Variants in HECW2 observed in about 807,000 individuals in gnomAD.
HECW2 encodes the protein HECT, C2 and WW domain containing E3 ubiquitin protein ligase 2.
HECW2 carries 61 observed loss-of-function variants against 175.2 expected under a neutral mutation model. That is an observed-to-expected ratio of 0.35 (90% CI 0.28 to 0.43). The LOEUF (loss-of-function observed/expected upper bound fraction) is 0.43, where lower values mean the gene tolerates loss of function less well. Among genes scored for constraint, HECW2 ranks in the 20% least tolerant of loss-of-function variants. The pLI, the probability that HECW2 is intolerant of heterozygous loss-of-function variation, is 1.00. For synonymous variants in HECW2, 671 were observed against 731.0 expected (o/e 0.92, Z 1.32); for missense variants, 1,524 against 2,000.5 (o/e 0.76, Z 4.54).
Position 196,240,460 on chromosome 2 carries a change from A to G in HECW2, c.3753T>C (p.Val1251=), listed in dbSNP as rs1388398158. The change falls in exon 21 of 29, where the codon GTT becomes GTC. Residue 1251 remains valine (V), a synonymous_variant. Coordinates refer to ENST00000644978, the MANE Select transcript of HECW2 (RefSeq NM_001348768.2). ...TCTGTTCTACTCACCCTTCCTCCCCAACGAAGGTGACATATAGCTTATTTC... is the reference window on the plus strand; with the variant it reads ...TCTGTTCTACTCACCCTTCCTCCCCGACGAAGGTGACATATAGCTTATTTC... ...LQRNKLYVTF[V]GEEGLDYSGP... is the part of the protein sequence containing the mutation. The G allele has an allele frequency of 6.2e-7, 1 of 1,608,274 alleles. No individual in the cohort carries two copies. Among genetic ancestry groups the G allele is most frequent in the African/African-American group, 1.3e-5 (1 of 74,644 alleles).
At chr2:196,512,856 A>AT (rs199588596) in intron 1 of HECW2, among the ~76,000 whole-genome samples, 5,602 of 151,676 alleles carry the variant, frequency 0.037, 350 homozygotes, top group African/African-American at 0.13. Flanking sequence ...TGCCTGGCTA[A>AT]TTTTTTTGTA....
At chr2:196,479,228 T>C (rs1211687457) in intron 1 of HECW2, among the ~76,000 whole-genome samples, 3 of 152,150 alleles carry the variant, frequency 2.0e-5, no homozygotes, top group Non-Finnish European at 4.4e-5. Context: ...CAAAAGGAAA[T>C]TTTTTATCTA....
In HECW2 at chr2:196,257,950, T is replaced by C. The variant is rs541011642; in HGVS notation, c.3336-44A>G. On this transcript the variant is annotated intron_variant, in intron 17 of 28. Coordinates refer to ENST00000644978, the MANE Select transcript of HECW2 (RefSeq NM_001348768.2). The stretch of plus-strand genomic sequence containing the variant: ...AGCACAAAATGTATATGGTAGACCT[T>C]TAGGCTATAACTCAGTAGTAAAGAG... The C allele has an allele frequency of 9.9e-6, 14 of 1,407,180 alleles. No homozygotes were observed. The South Asian group carries it at 1.5e-4, about 15-fold the overall frequency. 87.2% of individuals were successfully genotyped at this position (1,407,180 alleles called of 1,614,324 possible). A position where few individuals can be genotyped will look rare whatever the true frequency, so the allele number is the denominator to read the frequency against.
At chr2:196,280,719 T>G (rs1428816618) in intron 14 of HECW2, among the ~76,000 whole-genome samples, 1 of 152,212 alleles carries the variant, frequency 6.6e-6, no homozygotes, top group Non-Finnish European at 1.5e-5. Context: ...ATTGACAGGT[T>G]CTGACCCCAA....
At chr2:196,307,073 T>C in intron 12 of HECW2, 57 bp downstream of exon 12, 1 of 1,227,134 alleles carries the variant, frequency 8.1e-7, no homozygotes, top group Non-Finnish European at 1.2e-6. Flanking sequence ...TGGGAATCCT[T>C]ATTTGCTTCT....
chr2:196,322,057 G>C (rs1171474058), intron 7 of HECW2, among the ~76,000 whole-genome samples: 1 of 152,120 alleles, frequency 6.6e-6, no homozygotes, highest in Admixed American at 6.5e-5. Context: ...TCAAGTCTAG[G>C]TCTCGTTTTA....
At chr2:196,264,822 T>C (rs969316788) in intron 17 of HECW2, among the ~76,000 whole-genome samples, 2 of 152,196 alleles carry the variant, frequency 1.3e-5, no homozygotes, top group Non-Finnish European at 2.9e-5. Flanking sequence ...AAAACATGAC[T>C]AGCACTTATT....
intron 2 of HECW2, among the ~76,000 whole-genome samples, chr2:196,349,594 G>A (rs144428826): frequency 6.6e-6 from 1 of 152,042 alleles, no homozygotes; most frequent in Non-Finnish European, 1.5e-5. Context: ...ACAGATGTGA[G>A]CCACCATGCC....
rs529645466 is a variant in HECW2 at position 196,581,851 on chromosome 2, G to A, written c.-36+11657C>T. ...TGAGGACAAGGCAGGTGGATCACGA[G>A]GTCAGGAGATTGAGACCATCCTGGC... On this transcript the variant is annotated intron_variant, in intron 1 of 28. Transcript: ENST00000644978. 3.9e-5 allele frequency among the ~76,000 whole-genome samples: 6 copies of A among 152,168 alleles called. No individual in the cohort carries two copies. In the South Asian group the frequency reaches 1.2e-3, roughly 32 times the overall value.
chr2:196,385,300 G>A (rs932997697), intron 2 of HECW2, among the ~76,000 whole-genome samples: 3 of 151,958 alleles, frequency 2.0e-5, no homozygotes, highest in Non-Finnish European at 4.4e-5. Context: ...TACAAGCCCC[G>A]GCTCATTTAT....
chr2:196,587,506 G>A (rs1362768548), intron 1 of HECW2, among the ~76,000 whole-genome samples: 9 of 152,040 alleles, frequency 5.9e-5, no homozygotes, highest in Non-Finnish European at 5.9e-5. Flanking sequence ...TATGTTTATG[G>A]TATTCTGAAA....
chr2:196,566,456 T>C (rs1047398500), intron 1 of HECW2, among the ~76,000 whole-genome samples: 43 of 152,002 alleles, frequency 2.8e-4, no homozygotes, highest in African/African-American at 8.7e-4. Flanking sequence ...ACTCTTGTCG[T>C]TAGAAAAATA....
At chr2:196,427,553 T>C (rs928754323) in intron 2 of HECW2, among the ~76,000 whole-genome samples, 4 of 152,296 alleles carry the variant, frequency 2.6e-5, no homozygotes, top group African/African-American at 7.2e-5. Flanking sequence ...AAGCTGTTTG[T>C]GTTGGATGAC....
At chr2:196,312,252 G>A (rs1026680567) in intron 10 of HECW2, among the ~76,000 whole-genome samples, 2 of 151,908 alleles carry the variant, frequency 1.3e-5, no homozygotes, top group Non-Finnish European at 2.9e-5. Context: ...ATGGGTGGGG[G>A]GGTGCTATGG....
At position 196,319,332 on chromosome 2, in the gene HECW2, T is replaced by C. The variant is rs1273149493; in HGVS notation, c.1558A>G (p.Thr520Ala). The C allele has an allele frequency of 6.2e-7, 1 of 1,614,140 alleles. No individual in the cohort carries two copies. The highest frequency in any genetic ancestry group is 1.7e-5 in the Admixed American group (1 of 60,012). The change falls in exon 9 of 29, where the codon ACA becomes GCA. Residue 520 changes from threonine to alanine, a missense_variant. Thr to Ala is a moderately conservative substitution (Grantham distance 58). Transcript: ENST00000644978. The stretch of plus-strand genomic sequence containing the variant: ...TCCTCAAAGGAAGCAGCTTCGTGTG[T>C]GGAGGCTTCCTCATTCTCAACAGGG... ...DNPVENEEAS[T>A]HEAASFEDKP...
chr2:196,274,741 G>A (rs1689877844), intron 15 of HECW2, among the ~76,000 whole-genome samples: 1 of 152,130 alleles, frequency 6.6e-6, no homozygotes, highest in African/African-American at 2.4e-5. Flanking sequence ...GTGTGGAGGA[G>A]CTAAATAGGG....
At chr2:196,461,473 G>A (rs1432497969) in intron 1 of HECW2, among the ~76,000 whole-genome samples, 1 of 152,166 alleles carries the variant, frequency 6.6e-6, no homozygotes, top group Non-Finnish European at 1.5e-5. Context: ...ATGCCATTCG[G>A]CTTTTCCACT....
rs199513675 is a variant in HECW2 at position 196,223,390 on chromosome 2, C to T, written c.4017-1050G>A. On this transcript the variant is annotated intron_variant, in intron 23 of 28. Transcript: ENST00000644978. ...GAAAAGCTTTTTGCAGAAGATGATGCCTACATTAAATCTTTCAGGATGTTT... is the reference window on the plus strand; with the variant it reads ...GAAAAGCTTTTTGCAGAAGATGATGTCTACATTAAATCTTTCAGGATGTTT... Among the ~76,000 whole-genome samples the T allele has an allele frequency of 2.0e-5, 3 of 151,788 alleles. No homozygotes were observed. The East Asian group carries it at 5.8e-4, about 29-fold the overall frequency.
At chr2:196,368,781 T>A (rs1693826214) in intron 2 of HECW2, among the ~76,000 whole-genome samples, 4 of 152,174 alleles carry the variant, frequency 2.6e-5, no homozygotes, top group Admixed American at 2.6e-4. Flanking sequence ...CTTCAATATG[T>A]CAGTTGCATT....
Sources: gnomAD v4.1 joint callset for allele counts (sites outside exome capture counted in the v4.1 genomes callset) on GRCh38, gnomAD v4.1.1 for gene constraint, MANE v1.5 for transcripts, NCBI Gene and HGNC (gene_info 2026-07-23, HGNC 2026-07-21) for gene names.